Variants in WRN observed in about 807,000 individuals in gnomAD.
WRN encodes bifunctional 3'-5' exonuclease/ATP-dependent helicase WRN.
WRN carries 149 observed loss-of-function variants against 180.7 expected under a neutral mutation model. The ratio of observed to expected loss-of-function variants is 0.82; its 90% CI spans 0.72 to 0.94. The LOEUF (loss-of-function observed/expected upper bound fraction) is 0.94, where lower values mean the gene tolerates loss of function less well. Among genes scored for constraint, WRN ranks in the 40% least tolerant of loss-of-function variants. WRN has a pLI of 0.00. For missense variants in WRN, 1,661 were observed against 1,700.1 expected, an observed-to-expected ratio of 0.98 and a Z score of 0.40; for synonymous variants, 548 against 568.9, an observed-to-expected ratio of 0.96 and a Z score of 0.52.
At chr8:31,087,642 T>C (rs1027827814) in intron 11 of WRN, 134 bp from the exon 12 acceptor site, 98 of 832,838 alleles carry the variant, frequency 1.2e-4, no homozygotes, top group Middle Eastern at 1.1e-3. Context: ...ACATGTTCTT[T>C]TGTAGTATGG....
intron 33 of WRN, among the ~76,000 whole-genome samples, chr8:31,166,232 G>A (rs1334440677): frequency 6.6e-6 from 1 of 152,128 alleles, no homozygotes; most frequent in African/African-American, 2.4e-5. Context: ...TATTTGATAT[G>A]TTTTGTAAAT....
intron 20 of WRN, among the ~76,000 whole-genome samples, chr8:31,119,457 C>T (rs1364562437): frequency 1.3e-5 from 2 of 151,890 alleles, no homozygotes; most frequent in East Asian, 1.9e-4. Flanking sequence ...ACTCTTCTCT[C>T]TGAAAGATGA....
chr8:31,088,069 C>T (rs2130159027), intron 12 of WRN, 149 bp downstream of exon 12: 1 of 1,381,546 alleles, frequency 7.2e-7, no homozygotes, highest in East Asian at 2.5e-5. Flanking sequence ...CTCCTTAGTG[C>T]TTTTGTCTCC....
chr8:31,087,888 A>G lies in WRN; in HGVS notation c.1544A>G (p.Glu515Gly), dbSNP rs1360374334. Residue 515 changes from glutamate to glycine, a missense_variant, in exon 12 of 35, where the codon GAA becomes GGA. Around this residue, in one of 3 missense-constraint regions of WRN, gnomAD observed 1,141 missense variants for 1,149.4 expected, o/e 0.99. Coordinates refer to ENST00000298139, the MANE Select transcript of WRN (RefSeq NM_000553.6). ...TKEEEEDDEN[E>G]ANEGEEDDDK... Reference sequence around the variant, plus strand: ...GAAGAAGAAGAAGATGATGAAAATGAAGCTAATGAAGGGGAAGAAGATGAT... The same window carrying G: ...GAAGAAGAAGAAGATGATGAAAATGGAGCTAATGAAGGGGAAGAAGATGAT... The G allele has an allele frequency of 6.2e-7, 1 of 1,613,628 alleles. No homozygotes were observed. Among genetic ancestry groups the G allele is most frequent in the Non-Finnish European group, 8.5e-7 (1 of 1,179,748 alleles).
Position 31,068,284 on chromosome 8 carries a change from A to G in WRN, c.681A>G (p.Leu227=), listed in dbSNP as rs1416953187. Residue 227 remains leucine, a synonymous_variant, in exon 7 of 35, where the codon TTA becomes TTG. Transcript: ENST00000298139. The part of the protein sequence containing the change: ...AYAGFIIYRN[L]EILDDTVQRF... ...CTGGTTTTATTATTTACCGAAATTT[A>G]GAGATTTTGGATGATACTGTGCAAA... 2 of 1,608,798 alleles carry G rather than the reference A, an allele frequency of 1.2e-6. No homozygotes were observed. The highest frequency in any genetic ancestry group is 1.3e-5 in the African/African-American group (1 of 74,822).
At position 31,147,439 on chromosome 8, in the gene WRN, G is replaced by A. The variant is rs868438861; in HGVS notation, c.3535G>A (p.Ala1179Thr). ...NKMDVPPAIL[A>T]TNKILVDMAK... ...AATGGATGTTCCCCCAGCTATTCTG[G>A]CAACAAACAAGATACTGGTGGATAT... Residue 1179 changes from alanine (A) to threonine (T), a missense_variant, in exon 30 of 35, where the codon GCA (alanine) becomes ACA (threonine). Physicochemically the swap from Ala to Thr is moderately conservative, Grantham distance 58. Coordinates refer to ENST00000298139, the MANE Select transcript of WRN (RefSeq NM_000553.6). 1 of 1,614,002 alleles carries A rather than the reference G, an allele frequency of 6.2e-7. No individual in the cohort carries two copies. Among genetic ancestry groups the A allele is most frequent in the Non-Finnish European group, 8.5e-7 (1 of 1,179,954 alleles).
intron 34 of WRN, among the ~76,000 whole-genome samples, chr8:31,172,630 T>G (rs1286770751): frequency 1.3e-5 from 2 of 152,250 alleles, no homozygotes; most frequent in Non-Finnish European, 2.9e-5. Flanking sequence ...TATGTATACA[T>G]GCCCAGGCAT....
chr8:31,088,374 A>G (rs1163186199), intron 12 of WRN, among the ~76,000 whole-genome samples: 1 of 152,166 alleles, frequency 6.6e-6, no homozygotes, highest in Non-Finnish European at 1.5e-5. Context: ...TTGACCAAAG[A>G]TGTGGGTAAC....
chr8:31,100,566 C>T (rs961677666), intron 17 of WRN, among the ~76,000 whole-genome samples: 6 of 152,186 alleles, frequency 3.9e-5, no homozygotes, highest in Non-Finnish European at 5.9e-5. Context: ...AGCAATTCAT[C>T]TCTCCAAGGA....
intron 24 of WRN, among the ~76,000 whole-genome samples, chr8:31,134,126 A>G (rs1197378431): frequency 6.6e-6 from 1 of 152,196 alleles, no homozygotes; most frequent in African/African-American, 2.4e-5. Context: ...ACTAAATGCA[A>G]TGAAAATAAG....
At chr8:31,080,792 T>C in intron 8 of WRN, 75 bp from the exon 9 acceptor site, 1 of 1,271,934 alleles carries the variant, frequency 7.9e-7, no homozygotes, top group Admixed American at 2.5e-5. Flanking sequence ...CTTTTACTTG[T>C]TAAAAAGCTT....
chr8:31,056,108 TTATAGA>T (rs2129989130), intron 1 of WRN, among the ~76,000 whole-genome samples: 1 of 152,312 alleles, frequency 6.6e-6, no homozygotes, highest in African/African-American at 2.4e-5. Context: ...GATTTTAGTG[TTATAGA>T]TAGAAGGAAA....
chr8:31,076,231 G>A lies in WRN; in HGVS notation c.783G>A (p.Val261=), dbSNP rs1455193471. The A allele has an allele frequency of 2.5e-6, 4 of 1,613,758 alleles. No homozygotes were observed. Among genetic ancestry groups the A allele is most frequent in the Admixed American group, 1.7e-5 (1 of 60,014 alleles). The change falls in exon 8 of 35, where the codon GTG becomes GTA. Residue 261 remains valine (V), a synonymous_variant. Coordinates refer to ENST00000298139, the MANE Select transcript of WRN (RefSeq NM_000553.6). ...NKQLTSISEE[V]MDLAKHLPHA... ...AGTTGACTTCAATCTCTGAGGAAGT[G>A]ATGGATCTGGCTAAGCATCTTCCTC...
chr8:31,079,074 A>G (rs969813574), intron 8 of WRN, among the ~76,000 whole-genome samples: 1 of 152,222 alleles, frequency 6.6e-6, no homozygotes, highest in Non-Finnish European at 1.5e-5. Context: ...ATATAAAGCT[A>G]AAAGTTCTTT....
intron 18 of WRN, 61 bp downstream of exon 18, chr8:31,101,016 T>C (rs1814206327): frequency 6.4e-6 from 9 of 1,406,028 alleles, no homozygotes; most frequent in African/African-American, 1.4e-5. Flanking sequence ...GCATTCAGGA[T>C]TGGGGAGTGG....
chr8:31,047,011 A>T (rs1417718244), intron 1 of WRN, among the ~76,000 whole-genome samples: 1 of 152,196 alleles, frequency 6.6e-6, no homozygotes, highest in Non-Finnish European at 1.5e-5. Flanking sequence ...GGCTGCTTCC[A>T]GAATTGTGTA....
chr8:31,068,177 T>C (rs1812780322), intron 6 of WRN, 81 bp from the exon 7 acceptor site: 15 of 1,052,680 alleles, frequency 1.4e-5, no homozygotes, highest in Non-Finnish European at 2.1e-5. Context: ...ATCATTCTCT[T>C]CGATTTTTCT....
At chr8:31,132,212 A>G (rs1288995662) in intron 23 of WRN, among the ~76,000 whole-genome samples, 153 bp from the exon 24 acceptor site, 4 of 152,160 alleles carry the variant, frequency 2.6e-5, no homozygotes, top group Non-Finnish European at 4.4e-5. Context: ...GCTACTTTAC[A>G]TACTCGGGTA....
intron 18 of WRN, among the ~76,000 whole-genome samples, chr8:31,108,014 C>G (rs1284764738): frequency 6.6e-6 from 1 of 152,152 alleles, no homozygotes. Flanking sequence ...TTAGAATTAG[C>G]AACATGACCT....
Sources: allele counts gnomAD v4.1 joint callset (sites outside exome capture counted in the v4.1 genomes callset), GRCh38; gene constraint gnomAD v4.1.1; regional missense constraint gnomAD v4.1.1; transcripts MANE v1.5; gene names NCBI Gene and HGNC (gene_info 2026-07-23, HGNC 2026-07-21).